Variants in AGBL4 observed in about 807,000 individuals in gnomAD.
The protein encoded by AGBL4 is cytosolic carboxypeptidase 6.
In AGBL4, 58 loss-of-function variants were observed where a neutral mutation model predicts 66.4. That is an observed-to-expected ratio of 0.87 (90% CI 0.71 to 1.09). The LOEUF is 1.09. Ranked by LOEUF, AGBL4 falls within the 50% of genes least tolerant of loss-of-function variation. The pLI is 0.00. For missense variants in AGBL4, 579 were observed against 631.0 expected, an observed-to-expected ratio of 0.92 and a Z score of 0.88; for synonymous variants, 234 against 222.9, an observed-to-expected ratio of 1.05 and a Z score of -0.44.
intron 2 of AGBL4, among the ~76,000 whole-genome samples, chr1:49,806,275 C>T (rs1644975513): frequency 6.6e-6 from 1 of 152,098 alleles, no homozygotes; most frequent in African/African-American, 2.4e-5. Context: ...AAATAAAGAA[C>T]ATATTAATGC....
Position 49,368,246 on chromosome 1 carries a change from C to T in AGBL4, c.283-122382G>A, listed in dbSNP as rs61285118. Among the ~76,000 whole-genome samples, 1,468 of 152,158 alleles carry T rather than the reference C, an allele frequency of 9.6e-3. 19 individuals are homozygous for T. The highest frequency in any genetic ancestry group is 0.033 in the African/African-American group (1,378 of 41,510). On this transcript the variant is annotated intron_variant, in intron 3 of 13. Transcript: ENST00000371839. Reference sequence around the variant, plus strand: ...CTGTGTACAAGATTTTGTTTGAAAACCAGCTTTCAATTCTTGGGGGTATAT... The same window carrying T: ...CTGTGTACAAGATTTTGTTTGAAAATCAGCTTTCAATTCTTGGGGGTATAT...
chr1:48,709,584 C>CATTATTATTATTATTATT (rs10657477), intron 6 of AGBL4, among the ~76,000 whole-genome samples: 4,297 of 141,818 alleles, frequency 0.03, 96 homozygotes, highest in Middle Eastern at 0.061. Flanking sequence ...ATTTGCCAGG[C>CATTATTATTATTATTATT]ATTATTATTA....
At chr1:48,607,825 G>A (rs998430721) in intron 9 of AGBL4, among the ~76,000 whole-genome samples, 10 of 152,082 alleles carry the variant, frequency 6.6e-5, no homozygotes, top group African/African-American at 2.2e-4. Flanking sequence ...TCCTGACTCC[G>A]AGTCAATCCA....
chr1:49,595,900 A>G (rs1365674691), intron 3 of AGBL4, among the ~76,000 whole-genome samples: 1 of 152,158 alleles, frequency 6.6e-6, no homozygotes, highest in Middle Eastern at 3.2e-3. Context: ...AGCTCAGCCT[A>G]GGAGCACTTA....
chr1:48,629,084 A>T (rs1645551605), intron 9 of AGBL4, among the ~76,000 whole-genome samples: 1 of 152,112 alleles, frequency 6.6e-6, no homozygotes, highest in South Asian at 2.1e-4. Flanking sequence ...TAAGGCAAAC[A>T]CTACTTTGTT....
chr1:49,943,627 G>A (rs1383724031), intron 1 of AGBL4, among the ~76,000 whole-genome samples: 1 of 151,736 alleles, frequency 6.6e-6, no homozygotes, highest in African/African-American at 2.4e-5. Context: ...GAAAAGCCCT[G>A]AGAGCTCTCT....
chr1:49,010,067 T>A (rs1241241849), intron 5 of AGBL4, among the ~76,000 whole-genome samples: 1 of 152,120 alleles, frequency 6.6e-6, no homozygotes, highest in East Asian at 1.9e-4. Context: ...GGTATTCAAT[T>A]AGGAAAAGAG....
At chr1:49,936,198 C>T (rs1193388431) in intron 1 of AGBL4, among the ~76,000 whole-genome samples, 2 of 152,058 alleles carry the variant, frequency 1.3e-5, no homozygotes, top group African/African-American at 2.4e-5. Context: ...ATGCAGAAGC[C>T]TCAGGAGCCG....
At chr1:49,875,053 C>A (rs1442853352) in intron 1 of AGBL4, among the ~76,000 whole-genome samples, 1 of 145,578 alleles carries the variant, frequency 6.9e-6, no homozygotes, top group Non-Finnish European at 1.5e-5. Flanking sequence ...TCAATTTCCA[C>A]CTATGAGTGA....
intron 1 of AGBL4, among the ~76,000 whole-genome samples, chr1:49,893,703 G>A (rs1165413707): frequency 6.6e-6 from 1 of 152,216 alleles, no homozygotes; most frequent in Non-Finnish European, 1.5e-5. Flanking sequence ...CTCAGCCTCA[G>A]TAGAGAGCAC....
chr1:49,167,976 C>A (rs1298132648), intron 4 of AGBL4, among the ~76,000 whole-genome samples: 1 of 152,046 alleles, frequency 6.6e-6, no homozygotes, highest in Non-Finnish European at 1.5e-5. Flanking sequence ...AGTATAACAA[C>A]TATTTACATA....
At chr1:48,689,449 C>T (rs1455697680) in intron 6 of AGBL4, among the ~76,000 whole-genome samples, 3 of 150,038 alleles carry the variant, frequency 2.0e-5, no homozygotes, top group Non-Finnish European at 1.5e-5. Flanking sequence ...TCCCTCCCTC[C>T]CTCCCTCCCT....
At chr1:49,497,129 G>C (rs1422229758) in intron 3 of AGBL4, among the ~76,000 whole-genome samples, 1 of 151,868 alleles carries the variant, frequency 6.6e-6, no homozygotes, top group East Asian at 1.9e-4. Flanking sequence ...TTTTTAGTGA[G>C]GTTGAACATT....
At chr1:49,258,560 T>C (rs1211009397) in intron 3 of AGBL4, among the ~76,000 whole-genome samples, 15 of 151,772 alleles carry the variant, frequency 9.9e-5, no homozygotes, top group African/African-American at 1.7e-4. Flanking sequence ...GTATCAGTGA[T>C]GGAAGATGAA....
At chr1:48,978,902 A>T (rs1256097597) in intron 5 of AGBL4, among the ~76,000 whole-genome samples, 1 of 152,182 alleles carries the variant, frequency 6.6e-6, no homozygotes, top group Non-Finnish European at 1.5e-5. Context: ...ACAAAGAGTA[A>T]AAGAAGCAAA....
chr1:48,895,790 T>A (rs1184078184), intron 5 of AGBL4, among the ~76,000 whole-genome samples: 2 of 152,160 alleles, frequency 1.3e-5, no homozygotes, highest in Admixed American at 6.5e-5. Context: ...GATCATTTAA[T>A]TTTACAGTTG....
chr1:49,554,411 A>C (rs895241800), intron 3 of AGBL4, among the ~76,000 whole-genome samples: 6 of 152,320 alleles, frequency 3.9e-5, no homozygotes, highest in African/African-American at 1.4e-4. Flanking sequence ...AAAGGTTTTA[A>C]AATTTCAGCT....
At chr1:49,552,916 A>C (rs1436335799) in intron 3 of AGBL4, among the ~76,000 whole-genome samples, 1 of 152,150 alleles carries the variant, frequency 6.6e-6, no homozygotes, top group Non-Finnish European at 1.5e-5. Context: ...TCTTCATTTT[A>C]TTATTAATTA....
chr1:49,569,385 A>C (rs1407881935), intron 3 of AGBL4, among the ~76,000 whole-genome samples: 4 of 152,114 alleles, frequency 2.6e-5, no homozygotes, highest in Non-Finnish European at 5.9e-5. Context: ...ATTGTTTGTG[A>C]CTCAAAGGAT....
Sources: gnomAD v4.1 joint callset for allele counts (sites outside exome capture counted in the v4.1 genomes callset) on GRCh38, gnomAD v4.1.1 for gene constraint, MANE v1.5 for transcripts, NCBI Gene and HGNC (gene_info 2026-07-23, HGNC 2026-07-21) for gene names.